The following PSMA6 variants were observed in gnomAD, a reference collection of about 807,000 sequenced individuals.
PSMA6 encodes the protein proteasome subunit alpha type-6.
For synonymous variants in PSMA6, 88 were observed against 97.7 expected, an observed-to-expected ratio of 0.90 and a Z score of 0.59; for missense variants, 170 against 294.8, an observed-to-expected ratio of 0.58 and a Z score of 3.10.
chr14:35,308,854 T>C (rs1414523042), intron 2 of PSMA6, 60 bp from the exon 3 acceptor site: 13 of 1,252,002 alleles, frequency 1.0e-5, no homozygotes, highest in Non-Finnish European at 1.5e-5. Context: ...ATTTTTTTTA[T>C]AACTACACAG....
Position 35,309,012 on chromosome 14 carries a change from T to G in PSMA6, c.253+17T>G, listed in dbSNP as rs756097800. The G allele has an allele frequency of 6.6e-6, 10 of 1,515,616 alleles. 1 individual carries two copies. The South Asian group carries it at 1.2e-4, about 18-fold the overall frequency. The allele number at this position is 1,515,616 out of a possible 1,614,324, so 93.9% of individuals were successfully genotyped here. Reference sequence around the variant, plus strand: ...GAATGACAGGTAATTAATCTGTAGATATACAAGACATCTGTAGATATACAA... The same window carrying G: ...GAATGACAGGTAATTAATCTGTAGAGATACAAGACATCTGTAGATATACAA... On this transcript the variant is annotated intron_variant, in intron 3 of 6. Coordinates refer to ENST00000261479, the MANE Select transcript of PSMA6 (RefSeq NM_002791.3).
chr14:35,311,948 G>A (rs2051951979), intron 4 of PSMA6, among the ~76,000 whole-genome samples: 1 of 152,018 alleles, frequency 6.6e-6, no homozygotes, highest in Admixed American at 6.6e-5. Context: ...TAAAAAAAAA[G>A]TATTTCTTGG....
At chr14:35,288,947 A>G (rs1440250172), upstream of PSMA6, among the ~76,000 whole-genome samples, 1 of 152,116 alleles carries the variant, frequency 6.6e-6, no homozygotes, top group Non-Finnish European at 1.5e-5. Context: ...TTCTTAAAAC[A>G]TTATGAGATT....
Position 35,317,368 on chromosome 14 carries a change from C to T in PSMA6, c.*62C>T. 2 of 1,440,518 alleles carry T rather than the reference C, an allele frequency of 1.4e-6. No homozygotes were observed. The highest frequency in any genetic ancestry group is 2.0e-6 in the Non-Finnish European group (2 of 1,025,178). 89.2% of individuals were successfully genotyped at this position (1,440,518 alleles called of 1,614,324 possible). On this transcript the variant is annotated 3_prime_UTR_variant, in exon 7 of 7. Coordinates refer to ENST00000261479, the MANE Select transcript of PSMA6 (RefSeq NM_002791.3). ...TACCTGTGTGTTTGGTAACAACAAACCAACATCATGGAGGTCCCTGGATTG... is the reference window on the plus strand; with the variant it reads ...TACCTGTGTGTTTGGTAACAACAAATCAACATCATGGAGGTCCCTGGATTG...
At chr14:35,291,177 C>T (rs1056131902), upstream of PSMA6, among the ~76,000 whole-genome samples, 5 of 148,888 alleles carry the variant, frequency 3.4e-5, no homozygotes, top group African/African-American at 1.2e-4. Context: ...TTTGTAGAGA[C>T]GGGGCCTTCC....
At chr14:35,298,161 C>T (rs952351476) in intron 1 of PSMA6, among the ~76,000 whole-genome samples, 9 of 151,902 alleles carry the variant, frequency 5.9e-5, no homozygotes, top group Non-Finnish European at 1.2e-4. Flanking sequence ...GGCTTGGAGT[C>T]GAGTTTAATG....
chr14:35,308,331 G>T, intron 2 of PSMA6: 1 of 316,380 alleles, frequency 3.2e-6, no homozygotes. Context: ...TGAGGCAGGA[G>T]AATCACTTGA....
At chr14:35,292,646 C>A in intron 1 of PSMA6, 94 bp downstream of exon 1, 1 of 1,550,270 alleles carries the variant, frequency 6.5e-7, no homozygotes, top group South Asian at 1.2e-5. Flanking sequence ...TAGTCTGGGG[C>A]CGAAGCTGGG....
chr14:35,300,049 A>G lies in PSMA6; in HGVS notation c.76+7497A>G, dbSNP rs182780572. Among the ~76,000 whole-genome samples, 385 of 152,264 alleles carry G rather than the reference A, an allele frequency of 2.5e-3. 2 individuals carry two copies. Among genetic ancestry groups the G allele is most frequent in the African/African-American group, 8.7e-3 (361 of 41,538 alleles). On this transcript the variant is annotated intron_variant, in intron 1 of 6. Coordinates refer to ENST00000261479, the MANE Select transcript of PSMA6 (RefSeq NM_002791.3). ...ACAACTGAAAGAGTAAATTATAGCA[A>G]TATTTTGAAGGGGCTTGAGTACCAT... is the stretch of plus-strand genomic sequence containing the variant.
chr14:35,304,861 CA>C (rs1466351821), intron 1 of PSMA6, among the ~76,000 whole-genome samples: 1 of 152,122 alleles, frequency 6.6e-6, no homozygotes, highest in Non-Finnish European at 1.5e-5. Context: ...GCAAGAGGAT[CA>C]TTTGAGGCCA....
In PSMA6 at chr14:35,308,950, T is replaced by A; in HGVS notation, c.208T>A (p.Phe70Ile). 1.2e-6 allele frequency: 2 copies of A among 1,610,546 alleles called. No homozygotes were observed. Among genetic ancestry groups the A allele is most frequent in the South Asian group, 2.2e-5 (2 of 90,586 alleles). Residue 70 changes from phenylalanine (F) to isoleucine (I), a missense_variant, in exon 3 of 7, where the codon TTC becomes ATC. Coordinates refer to ENST00000261479, the MANE Select transcript of PSMA6 (RefSeq NM_002791.3). ...GGATTCCAGCACAGTGACTCACTTA[T>A]TCAAGATAACTGAAAACATTGGTTG... ...LLDSSTVTHL[F>I]KITENIGCVM...
Position 35,314,653 on chromosome 14 carries a change from C to G in PSMA6, c.683+198C>G, listed in dbSNP as rs2052007425. 4 of 521,136 alleles carry G rather than the reference C, an allele frequency of 7.7e-6. No individual in the cohort carries two copies. In the Admixed American group the frequency reaches 1.9e-4, roughly 25 times the overall value. The allele number at this position is 521,136 out of a possible 1,614,324, so 32.3% of individuals were successfully genotyped here. The stretch of plus-strand genomic sequence containing the variant: ...TTAAGAGTCAGATATGAAAGCTTTT[C>G]TCCTTATTTCAGAGTGATTTTATAT... On this transcript the variant is annotated intron_variant, in intron 6 of 6. Transcript: ENST00000261479.
chr14:35,310,951 C>T (rs2051932733), intron 4 of PSMA6, 56 bp downstream of exon 4: 2 of 1,518,218 alleles, frequency 1.3e-6, no homozygotes, highest in Non-Finnish European at 1.8e-6. Flanking sequence ...TTTTACAGAA[C>T]ATGTATACAG....
intron 1 of PSMA6, chr14:35,293,280 A>G: frequency 3.1e-6 from 1 of 317,970 alleles, no homozygotes; most frequent in South Asian, 2.5e-5. Context: ...TAGATGAGGT[A>G]CTGTGTACTA....
chr14:35,290,711 A>G (rs1458916402), upstream of PSMA6, among the ~76,000 whole-genome samples: 5 of 152,212 alleles, frequency 3.3e-5, no homozygotes, highest in Non-Finnish European at 7.3e-5. Context: ...CTTGTACACA[A>G]ACCATCTTTA....
At chr14:35,306,153 C>T (rs888081429) in intron 1 of PSMA6, among the ~76,000 whole-genome samples, 4 of 152,090 alleles carry the variant, frequency 2.6e-5, no homozygotes, top group African/African-American at 7.2e-5. Flanking sequence ...CACTTGGGCC[C>T]GGGAGGTCGA....
upstream of PSMA6, among the ~76,000 whole-genome samples, chr14:35,287,466 T>G (rs1005820769): frequency 5.9e-5 from 9 of 152,204 alleles, no homozygotes; most frequent in Non-Finnish European, 1.2e-4. Flanking sequence ...GCAGAGCACC[T>G]TAAGCTAAGG....
chr14:35,305,816 C>T (rs1446255073), intron 1 of PSMA6, among the ~76,000 whole-genome samples: 1 of 152,130 alleles, frequency 6.6e-6, no homozygotes, highest in Non-Finnish European at 1.5e-5. Context: ...AAATATGTGC[C>T]CAGGCCAGGA....
upstream of PSMA6, among the ~76,000 whole-genome samples, chr14:35,291,825 A>C (rs868641507): frequency 6.5e-3 from 595 of 92,108 alleles, no homozygotes; most frequent in Middle Eastern, 0.019. Flanking sequence ...CTCTGTCTCA[A>C]AAAAAAAAAA....
Sources: allele counts gnomAD v4.1 joint callset (sites outside exome capture counted in the v4.1 genomes callset), GRCh38; gene constraint gnomAD v4.1.1; transcripts MANE v1.5; gene names NCBI Gene and HGNC (gene_info 2026-07-23, HGNC 2026-07-21).